The following EIF2B3 variants were observed in gnomAD, a reference collection of about 807,000 sequenced individuals.
EIF2B3 encodes the protein eukaryotic translation initiation factor 2B subunit gamma.
In EIF2B3, 20 loss-of-function variants were observed where a neutral mutation model predicts 54.1. The ratio of observed to expected loss-of-function variants is 0.37; its 90% CI spans 0.26 to 0.54. The LOEUF (loss-of-function observed/expected upper bound fraction) is 0.54. Among genes scored for constraint, EIF2B3 ranks in the 20% least tolerant of loss-of-function variants. The probability of loss-of-function intolerance (pLI) is 0.86; values close to 1 mark genes in which losing one functional copy is unlikely to be tolerated. For synonymous variants in EIF2B3, 153 were observed against 188.1 expected (o/e 0.81, Z 1.52); for missense variants, 448 against 547.8 (o/e 0.82, Z 1.82).
intron 5 of EIF2B3, among the ~76,000 whole-genome samples, chr1:44,924,679 C>G (rs751627574): frequency 6.6e-5 from 10 of 152,214 alleles, no homozygotes; most frequent in Non-Finnish European, 1.2e-4. Flanking sequence ...AGCCACCATG[C>G]CTGGCCAATC....
intron 3 of EIF2B3, among the ~76,000 whole-genome samples, chr1:44,958,392 T>C (rs934240655): frequency 6.6e-6 from 1 of 152,226 alleles, no homozygotes; most frequent in Non-Finnish European, 1.5e-5. Flanking sequence ...GCTGGATTCA[T>C]GTGATGCCAG....
chr1:44,938,790 T>A (rs1643986156), intron 4 of EIF2B3, among the ~76,000 whole-genome samples: 1 of 151,972 alleles, frequency 6.6e-6, no homozygotes, highest in African/African-American at 2.4e-5. Flanking sequence ...CCCCCCAGTA[T>A]CTTTTTAAAA....
Position 44,881,477 on chromosome 1 carries a change from C to G in EIF2B3, c.784+135G>C, listed in dbSNP as rs987734826. The G allele has an allele frequency of 2.7e-5, 34 of 1,246,880 alleles. 1 individual carries two copies. In the African/African-American group the frequency reaches 4.8e-4, roughly 17 times the overall value. The allele number at this position is 1,246,880 out of a possible 1,614,324, so 77.2% of individuals were successfully genotyped here. On this transcript the variant is annotated intron_variant, in intron 7 of 11. Coordinates refer to ENST00000360403, the MANE Select transcript of EIF2B3 (RefSeq NM_020365.5). The surrounding 1 kb of genome is among the most constrained non-coding windows in gnomAD (Gnocchi z 4.0). ...ACCCAGAGCTCAGTGGGTTGGCAAG[C>G]CTGTCTTGCCTCGTAGGCTAGAAAT...
At chr1:44,913,458 A>T (rs1643556877) in intron 5 of EIF2B3, among the ~76,000 whole-genome samples, 1 of 152,044 alleles carries the variant, frequency 6.6e-6, no homozygotes, top group Non-Finnish European at 1.5e-5. Context: ...GGGTCAGCAA[A>T]CTACAGCCTG....
intron 3 of EIF2B3, among the ~76,000 whole-genome samples, chr1:44,951,473 T>TG (rs71040526): frequency 0.68 from 103,971 of 152,058 alleles, 37,552 homozygotes; most frequent in East Asian, 0.98. Context: ...ACACAGCTTA[T>TG]GTGGTCCATC....
At chr1:44,926,000 G>A (rs1643844278) in intron 5 of EIF2B3, among the ~76,000 whole-genome samples, 3 of 151,846 alleles carry the variant, frequency 2.0e-5, no homozygotes, top group Non-Finnish European at 4.4e-5. Flanking sequence ...GGCCGAGGTG[G>A]GCGGATCACT....
At chr1:44,882,289 T>C (rs957969441) in intron 6 of EIF2B3, among the ~76,000 whole-genome samples, 2 of 152,174 alleles carry the variant, frequency 1.3e-5, no homozygotes, top group Non-Finnish European at 2.9e-5. Context: ...TCACGAAAGC[T>C]TTTTGTGGTG....
intron 10 of EIF2B3, among the ~76,000 whole-genome samples, chr1:44,858,747 G>A (rs550486994): frequency 6.6e-4 from 100 of 152,144 alleles, no homozygotes; most frequent in African/African-American, 2.3e-3. Context: ...CTACAGGAGT[G>A]AGCCACCGCA....
rs1395655361 is a variant in EIF2B3 at position 44,978,401 on chromosome 1, T to C, written c.208A>G (p.Lys70Glu). The change falls in exon 3 of 12, where the codon AAA (lysine) becomes GAA (glutamate). Residue 70 changes from lysine to glutamate, a missense_variant. Physicochemically the swap from Lys to Glu is moderately conservative, Grantham distance 56. Transcript: ENST00000360403. ...ATACACACAATATCTGGCTTCATTT[T>C]CATCTTGAATTCTGCACATAGAGCC... Reference protein sequence around the residue: ...QKALCAEFKMKMKPDIVCIPD... With the variant: ...QKALCAEFKMEMKPDIVCIPD... 2 of 1,613,934 alleles carry C rather than the reference T, an allele frequency of 1.2e-6. No homozygotes were observed. Among genetic ancestry groups the C allele is most frequent in the African/African-American group, 1.3e-5 (1 of 74,912 alleles).
chr1:44,866,894 A>G (rs1001990677), intron 10 of EIF2B3, among the ~76,000 whole-genome samples: 1 of 152,190 alleles, frequency 6.6e-6, no homozygotes, highest in African/African-American at 2.4e-5. Flanking sequence ...AAGAGTTGGA[A>G]TATGCATTGG....
At chr1:44,892,443 G>A (rs1181861262) in intron 6 of EIF2B3, among the ~76,000 whole-genome samples, 1 of 152,032 alleles carries the variant, frequency 6.6e-6, no homozygotes. Flanking sequence ...AGCCAGTCAT[G>A]GTGGTGAGTG....
intron 10 of EIF2B3, among the ~76,000 whole-genome samples, chr1:44,871,511 C>T (rs1313353970): frequency 6.6e-6 from 1 of 152,220 alleles, no homozygotes; most frequent in African/African-American, 2.4e-5. Context: ...CATGTATAGC[C>T]TTGTCTCTTG....
intron 6 of EIF2B3, among the ~76,000 whole-genome samples, chr1:44,888,473 A>C (rs1423504214): frequency 4.8e-5 from 7 of 144,522 alleles, no homozygotes; most frequent in African/African-American, 7.5e-5. Context: ...TGGCTTCTCA[A>C]TCTCTCTCTC....
chr1:44,911,203 G>A (rs1432981254), intron 5 of EIF2B3, among the ~76,000 whole-genome samples: 1 of 152,200 alleles, frequency 6.6e-6, no homozygotes, highest in Non-Finnish European at 1.5e-5. Context: ...GGCAGGAGGA[G>A]CACAACACCC....
intron 10 of EIF2B3, among the ~76,000 whole-genome samples, chr1:44,869,137 T>C (rs936682375): frequency 2.0e-5 from 3 of 152,130 alleles, no homozygotes; most frequent in Non-Finnish European, 2.9e-5. Context: ...AGTAATATAA[T>C]AACAACAACA....
chr1:44,908,964 G>C (rs1643464894), intron 5 of EIF2B3, among the ~76,000 whole-genome samples: 1 of 152,186 alleles, frequency 6.6e-6, no homozygotes, highest in Non-Finnish European at 1.5e-5. Context: ...GAGAGGAGTG[G>C]AAAGCTGGCC....
intron 5 of EIF2B3, among the ~76,000 whole-genome samples, chr1:44,902,683 C>G (rs879415623): frequency 1.3e-5 from 2 of 151,380 alleles, no homozygotes; most frequent in Non-Finnish European, 2.9e-5. Context: ...GAAAAACTAG[C>G]CAGGCATGGT....
chr1:44,900,009 A>G (rs1183775902), intron 5 of EIF2B3, among the ~76,000 whole-genome samples: 1 of 152,256 alleles, frequency 6.6e-6, no homozygotes, highest in East Asian at 1.9e-4. Flanking sequence ...GCTATAAAAA[A>G]GAACAAAATC....
chr1:44,905,933 T>C (rs1038834726), intron 5 of EIF2B3, among the ~76,000 whole-genome samples: 1 of 152,048 alleles, frequency 6.6e-6, no homozygotes, highest in Admixed American at 6.6e-5. Context: ...CCCTCACCCA[T>C]CTCAACTCAG....
Sources: allele counts gnomAD v4.1 joint callset (sites outside exome capture counted in the v4.1 genomes callset), GRCh38; gene constraint gnomAD v4.1.1; non-coding constraint Gnocchi (gnomAD v3.1); transcripts MANE v1.5; gene names NCBI Gene and HGNC (gene_info 2026-07-23, HGNC 2026-07-21).